The following ANKFY1 variants were observed in gnomAD, a reference collection of about 807,000 sequenced individuals.
ANKFY1 encodes ankyrin repeat and FYVE domain-containing protein 1.
In ANKFY1, 47 loss-of-function variants were observed where a neutral mutation model predicts 128.3. The ratio of observed to expected loss-of-function variants is 0.37; its 90% CI spans 0.29 to 0.47. The LOEUF is 0.47. ANKFY1 is among the 20% of genes least tolerant of loss of function. The pLI is 1.00. For synonymous variants in ANKFY1, 553 were observed against 601.6 expected (o/e 0.92, Z 1.18); for missense variants, 1,222 against 1,510.6 (o/e 0.81, Z 3.17).
intron 1 of ANKFY1, 142 bp downstream of exon 1, chr17:4,263,790 G>A: frequency 2.8e-5 from 44 of 1,593,128 alleles, no homozygotes; most frequent in Non-Finnish European, 3.5e-5. Flanking sequence ...AAGCTCCGGA[G>A]AGGCTAGACA....
chr17:4,226,696 T>G (rs1224246367), intron 3 of ANKFY1, among the ~76,000 whole-genome samples: 2 of 145,810 alleles, frequency 1.4e-5, no homozygotes, highest in Non-Finnish European at 3.0e-5. Context: ...TGAGCTGAGA[T>G]AGCGCCACTG....
intron 10 of ANKFY1, chr17:4,194,652 T>G (rs1387723433): frequency 2.9e-6 from 1 of 342,090 alleles, no homozygotes; most frequent in Non-Finnish European, 5.5e-6. Context: ...TGGTAAATAC[T>G]GAAGTTATAA....
chr17:4,178,443 A>G lies in ANKFY1; in HGVS notation c.2598+414T>C, dbSNP rs2059449006. ...TGTAGCAGCTGGTAAAGAACCACAAAGAACAAGGACAGCCGAGGCTACTGA... is the reference window on the plus strand; with the variant it reads ...TGTAGCAGCTGGTAAAGAACCACAAGGAACAAGGACAGCCGAGGCTACTGA... On this transcript the variant is annotated intron_variant, in intron 18 of 24. Transcript: ENST00000341657. This position sits in a 1 kb window ranked among gnomAD's most constrained non-coding sequence, Gnocchi z 4.1. 4.8e-6 allele frequency: 1 copy of G among 209,172 alleles called. No homozygotes were observed. The highest frequency in any genetic ancestry group is 2.2e-5 in the African/African-American group (1 of 44,648). 13.0% of individuals were successfully genotyped at this position (209,172 alleles called of 1,614,324 possible). A position where few individuals can be genotyped will look rare whatever the true frequency, so the allele number is the denominator to read the frequency against.
Position 4,167,567 on chromosome 17 carries a change from T to G in ANKFY1, c.*212A>C, listed in dbSNP as rs2059231872. The G allele has an allele frequency of 2.1e-6, 1 of 467,154 alleles. No individual in the cohort carries two copies. Among genetic ancestry groups the G allele is most frequent in the African/African-American group, 2.0e-5 (1 of 51,244 alleles). The allele number at this position is 467,154 out of a possible 1,614,324, so 28.9% of individuals were successfully genotyped here. On this transcript the variant is annotated 3_prime_UTR_variant, in exon 25 of 25. Coordinates refer to ENST00000341657, the MANE Select transcript of ANKFY1 (RefSeq NM_001330063.2). The surrounding 1 kb of genome is among the most constrained non-coding windows in gnomAD (Gnocchi z 4.1). ...ATGGCCTGGTCTGATGAGTGAGACA[T>G]CTAGTGAAATCGATCACAGTCTGAC...
intron 1 of ANKFY1, among the ~76,000 whole-genome samples, chr17:4,259,988 G>A (rs1395158988): frequency 6.6e-6 from 1 of 152,214 alleles, no homozygotes; most frequent in Non-Finnish European, 1.5e-5. Context: ...AAGACGCAGA[G>A]GTAGCAGCAT....
intron 1 of ANKFY1, among the ~76,000 whole-genome samples, chr17:4,251,920 G>C (rs1967854480): frequency 6.6e-6 from 1 of 151,800 alleles, no homozygotes; most frequent in Non-Finnish European, 1.5e-5. Context: ...TGTAGTCCCA[G>C]CTACTAGGGA....
chr17:4,170,620 G>A (rs1027022155), intron 23 of ANKFY1, 95 bp downstream of exon 23: 5 of 1,498,276 alleles, frequency 3.3e-6, no homozygotes, highest in Non-Finnish European at 4.5e-6. Context: ...CCGATCCTAA[G>A]GCATCATGAG....
At position 4,263,977 on chromosome 17, in the gene ANKFY1, T is replaced by G. The variant is rs557618158; in HGVS notation, c.-36A>C. 1.2e-6 allele frequency: 2 copies of G among 1,613,802 alleles called. No homozygotes were observed. The highest frequency in any genetic ancestry group is 2.2e-5 in the South Asian group (2 of 91,064). On this transcript the variant is annotated 5_prime_UTR_variant, in exon 1 of 25. Coordinates refer to ENST00000341657, the MANE Select transcript of ANKFY1 (RefSeq NM_001330063.2). ...GCACTGCCTGCAACCTCGCGAGAAG[T>G]GCGCGGCTCAACCGGGGCGGTGCGG... is the stretch of plus-strand genomic sequence containing the variant.
At chr17:4,260,121 A>C (rs868678850) in intron 1 of ANKFY1, among the ~76,000 whole-genome samples, 1 of 152,146 alleles carries the variant, frequency 6.6e-6, no homozygotes, top group South Asian at 2.1e-4. Flanking sequence ...AGAGAACTGG[A>C]ATATATTTTA....
chr17:4,222,218 C>T (rs1462251658), intron 3 of ANKFY1: 2 of 264,806 alleles, frequency 7.6e-6, no homozygotes, highest in South Asian at 2.1e-4. Flanking sequence ...GCCGCCGCCC[C>T]CGCCGCCCCG....
intron 3 of ANKFY1, among the ~76,000 whole-genome samples, chr17:4,230,279 G>T (rs888077010): frequency 8.5e-5 from 13 of 152,148 alleles, no homozygotes; most frequent in African/African-American, 3.1e-4. Context: ...TCTGCTGTTT[G>T]GAATGGCTTG....
intron 18 of ANKFY1, among the ~76,000 whole-genome samples, 170 bp from the exon 19 acceptor site, chr17:4,177,472 C>T (rs1174325784): frequency 6.6e-6 from 1 of 152,192 alleles, no homozygotes; most frequent in African/African-American, 2.4e-5. Context: ...AACCCACCCA[C>T]AGACCCACTC....
intron 1 of ANKFY1, among the ~76,000 whole-genome samples, chr17:4,261,809 C>A (rs74582071): frequency 0.046 from 7,007 of 152,272 alleles, 343 homozygotes; most frequent in African/African-American, 0.12. Flanking sequence ...AGTGCAAAAG[C>A]GCCAGACTAC....
chr17:4,174,675 C>A, intron 19 of ANKFY1, among the ~76,000 whole-genome samples: 1 of 152,096 alleles, frequency 6.6e-6, no homozygotes, highest in East Asian at 1.9e-4. Context: ...CACATCCTTA[C>A]ATGCTTTGAG....
In ANKFY1 at chr17:4,167,738, G is replaced by A. The variant is rs921802319; in HGVS notation, c.*41C>T. On this transcript the variant is annotated 3_prime_UTR_variant, in exon 25 of 25. Transcript: ENST00000341657. This position sits in a 1 kb window ranked among gnomAD's most constrained non-coding sequence, Gnocchi z 4.1. ...GCTGGTGAGCAGAGCAGCTGCTGGG[G>A]AGGTGACCAAGGACGTGGCCTGGAC... The A allele has an allele frequency of 6.4e-7, 1 of 1,574,470 alleles. No homozygotes were observed. The highest frequency in any genetic ancestry group is 8.6e-7 in the Non-Finnish European group (1 of 1,156,786).
At chr17:4,177,007 C>T in intron 19 of ANKFY1, 119 bp downstream of exon 19, 1 of 1,127,062 alleles carries the variant, frequency 8.9e-7, no homozygotes. Context: ...AGCCTCGCTC[C>T]CCAAATTCCC....
chr17:4,257,135 T>C (rs759949462), intron 1 of ANKFY1, among the ~76,000 whole-genome samples: 18 of 152,214 alleles, frequency 1.2e-4, no homozygotes, highest in Non-Finnish European at 1.9e-4. Flanking sequence ...GACCTAGAAC[T>C]TGAGTCATCT....
intron 3 of ANKFY1, among the ~76,000 whole-genome samples, chr17:4,235,340 C>CAAAAAAA (rs10677242): frequency 8.6e-6 from 1 of 116,750 alleles, no homozygotes; most frequent in Non-Finnish European, 1.7e-5. Flanking sequence ...GACTCTGTCT[C>CAAAAAAA]AAAAAAAAAA....
At chr17:4,230,023 A>C (rs1378131918) in intron 3 of ANKFY1, among the ~76,000 whole-genome samples, 1 of 152,220 alleles carries the variant, frequency 6.6e-6, no homozygotes, top group Non-Finnish European at 1.5e-5. Flanking sequence ...CTTCCCGTGG[A>C]TGTCATCGAA....
Sources: allele counts gnomAD v4.1 joint callset (sites outside exome capture counted in the v4.1 genomes callset), GRCh38; gene constraint gnomAD v4.1.1; non-coding constraint Gnocchi (gnomAD v3.1); transcripts MANE v1.5; gene names NCBI Gene and HGNC (gene_info 2026-07-23, HGNC 2026-07-21).